Variants in SLC25A21 observed in about 807,000 individuals in gnomAD.
The protein encoded by SLC25A21 is mitochondrial 2-oxodicarboxylate carrier.
SLC25A21 carries 47 observed loss-of-function variants against 43.8 expected under a neutral mutation model. The ratio of observed to expected loss-of-function variants is 1.07; its 90% CI spans 0.85 to 1.37. The LOEUF (loss-of-function observed/expected upper bound fraction) is 1.37, where lower values mean the gene tolerates loss of function less well. Among genes scored for constraint, SLC25A21 ranks in the 40% most tolerant of loss-of-function variants. The pLI, the probability that SLC25A21 is intolerant of heterozygous loss-of-function variation, is 0.00. For missense variants in SLC25A21, 352 were observed against 350.2 expected (o/e 1.00, Z -0.04); for synonymous variants, 131 against 121.3 (o/e 1.08, Z -0.52).
intron 7 of SLC25A21, among the ~76,000 whole-genome samples, chr14:36,695,938 C>T (rs1034069368): frequency 6.6e-6 from 1 of 152,198 alleles, no homozygotes; most frequent in African/African-American, 2.4e-5. Flanking sequence ...GAACTTCCAA[C>T]ACTATGTTGA....
intron 1 of SLC25A21, among the ~76,000 whole-genome samples, chr14:37,053,807 C>G (rs1961761256): frequency 6.6e-6 from 1 of 152,120 alleles, no homozygotes; most frequent in Non-Finnish European, 1.5e-5. Flanking sequence ...CAGAAGTCAA[C>G]TAAAGAGTCT....
chr14:37,172,117 T>G, intron 1 of SLC25A21, 164 bp downstream of exon 1: 1 of 705,336 alleles, frequency 1.4e-6, no homozygotes, highest in East Asian at 2.9e-5. Context: ...ACTCCCGGCC[T>G]CCTCTGCTCT....
intron 3 of SLC25A21, among the ~76,000 whole-genome samples, chr14:36,781,936 GA>G (rs1232690178): frequency 1.3e-5 from 2 of 152,116 alleles, no homozygotes; most frequent in African/African-American, 4.8e-5. Flanking sequence ...GGGTGGTGAT[GA>G]AATCCTTTGG....
At chr14:37,003,126 C>T (rs916894626) in intron 1 of SLC25A21, among the ~76,000 whole-genome samples, 8 of 152,286 alleles carry the variant, frequency 5.3e-5, no homozygotes, top group Admixed American at 2.6e-4. Context: ...TTTTCCTATA[C>T]ATACATACCT....
At chr14:36,904,450 G>A (rs767832847) in intron 1 of SLC25A21, among the ~76,000 whole-genome samples, 1 of 152,134 alleles carries the variant, frequency 6.6e-6, no homozygotes, top group Non-Finnish European at 1.5e-5. Context: ...GAGCCTCTAG[G>A]AAAATTGAAA....
At chr14:36,784,805 C>G (rs538084075) in intron 3 of SLC25A21, among the ~76,000 whole-genome samples, 50 of 152,262 alleles carry the variant, frequency 3.3e-4, no homozygotes, top group Non-Finnish European at 6.2e-4. Context: ...CTATCTTACT[C>G]CATGAGTCAG....
chr14:36,834,265 C>T (rs756363137), intron 2 of SLC25A21, among the ~76,000 whole-genome samples: 7 of 152,166 alleles, frequency 4.6e-5, no homozygotes, highest in Non-Finnish European at 1.0e-4. Flanking sequence ...AACTGACTTT[C>T]GATCAGGCAA....
intron 1 of SLC25A21, among the ~76,000 whole-genome samples, chr14:37,072,292 C>A (rs1213864252): frequency 6.6e-6 from 1 of 152,010 alleles, no homozygotes. Context: ...GAGGACTCTG[C>A]ATCCAGGGGC....
chr14:36,861,688 A>G (rs938653441), intron 2 of SLC25A21, among the ~76,000 whole-genome samples: 1 of 152,236 alleles, frequency 6.6e-6, no homozygotes, highest in African/African-American at 2.4e-5. Context: ...GCTTAACTAG[A>G]AAACATTTTT....
intron 4 of SLC25A21, among the ~76,000 whole-genome samples, chr14:36,733,304 C>T (rs1013560132): frequency 2.6e-5 from 4 of 152,164 alleles, no homozygotes; most frequent in African/African-American, 9.7e-5. Context: ...TTCAATTCAG[C>T]TCTTTTGTCT....
At chr14:36,692,193 G>A (rs1416426219) in intron 7 of SLC25A21, among the ~76,000 whole-genome samples, 1 of 152,126 alleles carries the variant, frequency 6.6e-6, no homozygotes, top group African/African-American at 2.4e-5. Context: ...GTGTTTACCA[G>A]CCCCTCTTCA....
chr14:36,903,819 C>T (rs1891462418), intron 1 of SLC25A21, among the ~76,000 whole-genome samples: 1 of 152,122 alleles, frequency 6.6e-6, no homozygotes, highest in Admixed American at 6.6e-5. Context: ...AGCTCCCTTG[C>T]TTCCCTCCTC....
chr14:36,762,024 G>A (rs1318892668), intron 3 of SLC25A21, among the ~76,000 whole-genome samples: 1 of 152,090 alleles, frequency 6.6e-6, no homozygotes, highest in East Asian at 1.9e-4. Context: ...TCAAAACAAC[G>A]GATTATAGGT....
At chr14:37,038,079 C>T (rs566522780) in intron 1 of SLC25A21, among the ~76,000 whole-genome samples, 4 of 152,224 alleles carry the variant, frequency 2.6e-5, no homozygotes, top group Admixed American at 1.3e-4. Context: ...CTCAGTTCAG[C>T]GCTTATTGTG....
chr14:36,868,747 G>A (rs149579404), intron 2 of SLC25A21, among the ~76,000 whole-genome samples: 82 of 152,242 alleles, frequency 5.4e-4, no homozygotes, highest in African/African-American at 1.9e-3. Flanking sequence ...TCTTACTCCT[G>A]CCTTGTCCTA....
At chr14:36,992,858 C>T (rs1424135819) in intron 1 of SLC25A21, among the ~76,000 whole-genome samples, 1 of 152,146 alleles carries the variant, frequency 6.6e-6, no homozygotes, top group East Asian at 1.9e-4. Context: ...TGCCCAGATC[C>T]ACTTAATCCC....
At chr14:37,070,371 G>T (rs1962146091) in intron 1 of SLC25A21, among the ~76,000 whole-genome samples, 1 of 152,066 alleles carries the variant, frequency 6.6e-6, no homozygotes, top group Non-Finnish European at 1.5e-5. Context: ...TTAGGATAAT[G>T]CACTCCACAA....
intron 1 of SLC25A21, among the ~76,000 whole-genome samples, chr14:36,972,796 T>A (rs1324078887): frequency 1.3e-5 from 2 of 151,558 alleles, no homozygotes; most frequent in South Asian, 4.2e-4. Flanking sequence ...TAAATTAGAG[T>A]TAGAATGTGG....
intron 1 of SLC25A21, among the ~76,000 whole-genome samples, chr14:36,906,032 A>C (rs901154437): frequency 7.9e-5 from 12 of 152,210 alleles, no homozygotes; most frequent in Non-Finnish European, 1.3e-4. Context: ...TCCCATATTC[A>C]AAATAATTTG....
Sources: gnomAD v4.1 joint callset for allele counts (sites outside exome capture counted in the v4.1 genomes callset) on GRCh38, gnomAD v4.1.1 for gene constraint, MANE v1.5 for transcripts, NCBI Gene and HGNC (gene_info 2026-07-23, HGNC 2026-07-21) for gene names.